GDNF: variants seen among roughly 807,000 people sequenced by gnomAD.
The protein encoded by GDNF is glial cell derived neurotrophic factor, also known as glial cell line-derived neurotrophic factor.
Under a neutral mutation model 13.7 loss-of-function variants are expected in GDNF, and 5 were observed. That is an observed-to-expected ratio of 0.36 (90% CI 0.19 to 0.77). The LOEUF (loss-of-function observed/expected upper bound fraction) is 0.77. Ranked by LOEUF, GDNF falls within the 30% of genes least tolerant of loss-of-function variation. The pLI, the probability that GDNF is intolerant of heterozygous loss-of-function variation, is 0.51. For synonymous variants in GDNF, 122 were observed against 112.5 expected, an observed-to-expected ratio of 1.08 and a Z score of -0.53; for missense variants, 246 against 274.3, an observed-to-expected ratio of 0.90 and a Z score of 0.73.
intron 1 of GDNF, 89 bp from the exon 2 acceptor site, chr5:37,834,911 C>T (rs1750651004): frequency 8.5e-7 from 1 of 1,182,506 alleles, no homozygotes; most frequent in East Asian, 2.5e-5. Flanking sequence ...CCTCTCCAAC[C>T]TCGTCACCGC....
Position 37,815,579 on chromosome 5 carries a change from T to C in GDNF, c.*72A>G. ...CTCATCTTCCATTCTGGGCAAACAT[T>C]TCCTGGGAACCTTGGTCCCTTTCTT... On this transcript the variant is annotated 3_prime_UTR_variant, in exon 3 of 3. Coordinates refer to ENST00000326524, the MANE Select transcript of GDNF (RefSeq NM_000514.4). This position sits in a 1 kb window ranked among gnomAD's most constrained non-coding sequence, Gnocchi z 5.0. 1 of 1,446,210 alleles carries C rather than the reference T, an allele frequency of 6.9e-7. No homozygotes were observed. 89.6% of individuals were successfully genotyped at this position (1,446,210 alleles called of 1,614,324 possible).
intron 1 of GDNF, chr5:37,835,426 C>G: frequency 7.0e-7 from 1 of 1,430,658 alleles, no homozygotes; most frequent in Non-Finnish European, 9.1e-7. Flanking sequence ...ATTCTTCCCA[C>G]CTAAATAGGT....
At chr5:37,816,698 G>C (rs148433498) in intron 2 of GDNF, among the ~76,000 whole-genome samples, 1 of 152,096 alleles carries the variant, frequency 6.6e-6, no homozygotes, top group South Asian at 2.1e-4. Context: ...GAGAGACACC[G>C]TCTTAGAGGG....
chr5:37,833,274 A>G (rs1313572572), intron 2 of GDNF, among the ~76,000 whole-genome samples: 1 of 152,200 alleles, frequency 6.6e-6, no homozygotes, highest in Non-Finnish European at 1.5e-5. Context: ...ACCCGGCACT[A>G]AGGGGCATTT....
Position 37,834,640 on chromosome 5 carries a change from T to TCTTA in GDNF, c.151+2_151+5dup. On this transcript the variant is annotated splice_donor_region_variant and intron_variant, in intron 2 of 2. Coordinates refer to ENST00000326524, the MANE Select transcript of GDNF (RefSeq NM_000514.4). ...GGCCCCCCCGCGGGGAGGGAACGGT[T>TCTTA]CTTACAGTCACTGCTCAGCGCGAAG... 1 of 1,573,638 alleles carries TCTTA rather than the reference T, an allele frequency of 6.4e-7. No homozygotes were observed. Among genetic ancestry groups the TCTTA allele is most frequent in the Non-Finnish European group, 8.6e-7 (1 of 1,162,220 alleles).
At chr5:37,824,813 T>C (rs1420423614) in intron 2 of GDNF, among the ~76,000 whole-genome samples, 2 of 152,182 alleles carry the variant, frequency 1.3e-5, no homozygotes, top group East Asian at 3.8e-4. Context: ...CTAAAAACAA[T>C]TACCAGCTGA....
chr5:37,835,922 A>C (rs1750687561), intron 1 of GDNF: 1 of 546,534 alleles, frequency 1.8e-6, no homozygotes, highest in Non-Finnish European at 3.3e-6. Flanking sequence ...TTGGCTTCTC[A>C]ATCCTCACAC....
chr5:37,836,404 A>G (rs576777509), intron 1 of GDNF, among the ~76,000 whole-genome samples: 1 of 152,120 alleles, frequency 6.6e-6, no homozygotes, highest in East Asian at 1.9e-4. Context: ...CTCTGCAGAG[A>G]CTAATGCATT....
At chr5:37,819,090 C>A (rs1485050243) in intron 2 of GDNF, among the ~76,000 whole-genome samples, 1 of 152,198 alleles carries the variant, frequency 6.6e-6, no homozygotes, top group Non-Finnish European at 1.5e-5. Context: ...CTTGAGTAGG[C>A]TGTGGAGGCC....
rs764403700 is a variant in GDNF at position 37,834,704 on chromosome 5, C to A, written c.93G>T (p.Ala31=). 3.7e-6 allele frequency: 6 copies of A among 1,609,520 alleles called. No homozygotes were observed. The African/African-American group carries it at 6.7e-5, about 18-fold the overall frequency. The change falls in exon 2 of 3, where the codon GCG becomes GCT. Residue 31 remains alanine, a synonymous_variant. Coordinates refer to ENST00000326524, the MANE Select transcript of GDNF (RefSeq NM_000514.4). The part of the protein sequence containing the change: ...PLPAGKRPPE[A]PAEDRSLGRR... ...GGCCGAGGGAGCGGTCTTCGGCGGG[C>A]GCCTCGGGAGGCCTCTTACCGGCGG...
At chr5:37,828,222 C>T (rs1750396829) in intron 2 of GDNF, among the ~76,000 whole-genome samples, 1 of 152,216 alleles carries the variant, frequency 6.6e-6, no homozygotes, top group African/African-American at 2.4e-5. Context: ...CACAAGGCCT[C>T]CCGAATGCTG....
intron 2 of GDNF, chr5:37,823,488 AG>A (rs1171906639): frequency 6.6e-6 from 1 of 152,212 alleles, no homozygotes; most frequent in East Asian, 1.9e-4. Flanking sequence ...TCTCCCAAAA[AG>A]GAAAAGCCAT....
intron 1 of GDNF, chr5:37,835,285 C>G (rs1425450316): frequency 2.3e-6 from 1 of 433,390 alleles, no homozygotes; most frequent in Non-Finnish European, 3.9e-6. Flanking sequence ...AGCCCTCGGC[C>G]CAAGCAAGGA....
At position 37,838,626 on chromosome 5, in the gene GDNF, G is replaced by A. The variant is rs1750791245; in HGVS notation, c.-27+881C>T. Among the ~76,000 whole-genome samples, 1 of 152,232 alleles carries A rather than the reference G, an allele frequency of 6.6e-6. No homozygotes were observed. Among genetic ancestry groups the A allele is most frequent in the African/African-American group, 2.4e-5 (1 of 41,462 alleles). Reference sequence around the variant, plus strand: ...GCCGAAACTAGCTGGGCCCCAGGAAGCTGGCGGGAACCCGCGAAAGTCCGT... The same window carrying A: ...GCCGAAACTAGCTGGGCCCCAGGAAACTGGCGGGAACCCGCGAAAGTCCGT... On this transcript the variant is annotated intron_variant, in intron 1 of 2. Coordinates refer to ENST00000326524, the MANE Select transcript of GDNF (RefSeq NM_000514.4). This position sits in a 1 kb window ranked among gnomAD's most constrained non-coding sequence, Gnocchi z 4.1.
intron 1 of GDNF, among the ~76,000 whole-genome samples, chr5:37,836,380 C>T (rs1750706008): frequency 6.6e-6 from 1 of 152,096 alleles, no homozygotes; most frequent in Non-Finnish European, 1.5e-5. Context: ...TTTAATTCGG[C>T]CGCCACCTCC....
intron 2 of GDNF, among the ~76,000 whole-genome samples, chr5:37,819,344 C>T (rs1750039459): frequency 6.6e-6 from 1 of 152,072 alleles, no homozygotes; most frequent in Non-Finnish European, 1.5e-5. Context: ...TGCAGCTTTG[C>T]AGCAGCATTA....
chr5:37,834,770 G>C lies in GDNF; in HGVS notation c.27C>G (p.Val9=). 6.2e-7 allele frequency: 1 copy of C among 1,613,298 alleles called. No individual in the cohort carries two copies. The highest frequency in any genetic ancestry group is 8.5e-7 in the Non-Finnish European group (1 of 1,179,690). The part of the protein sequence containing the change: MKLWDVVA[V]CLVLLHTASA... ...ACGCGGTGTGGAGCAGCACCAGGCA[G>C]ACAGCCACGACATCCCATAACTTCA... Residue 9 remains valine (V), a synonymous_variant, in exon 2 of 3, where the codon GTC becomes GTG. Coordinates refer to ENST00000326524, the MANE Select transcript of GDNF (RefSeq NM_000514.4).
In GDNF at chr5:37,813,266, T is replaced by C. The variant is rs1472053071; in HGVS notation, c.*2385A>G. The C allele has an allele frequency of 6.6e-6, 1 of 152,146 alleles. No individual in the cohort carries two copies. Among genetic ancestry groups the C allele is most frequent in the African/African-American group, 2.4e-5 (1 of 41,418 alleles). 9.4% of individuals were successfully genotyped at this position (152,146 alleles called of 1,614,324 possible). On this transcript the variant is annotated 3_prime_UTR_variant, in exon 3 of 3. Transcript: ENST00000326524. ...GGCAGAACCATGAAGAATTTGGGTA[T>C]TTTGGGGGAAGGGGATCAGATGTCT... is the stretch of plus-strand genomic sequence containing the variant.
Position 37,822,587 on chromosome 5 carries a change from C to T in GDNF, c.152-6452G>A, listed in dbSNP as rs547426124. On this transcript the variant is annotated intron_variant, in intron 2 of 2. Transcript: ENST00000326524. ...TGTAGCGGTTCCTATGAAAGGCTGT[C>T]TTCAGACAGGAGGAAAATGGAAAAC... Among the ~76,000 whole-genome samples, 4 of 152,278 alleles carry T rather than the reference C, an allele frequency of 2.6e-5. No homozygotes were observed. The East Asian group carries it at 5.8e-4, about 22-fold the overall frequency.
Sources: allele counts gnomAD v4.1 joint callset (sites outside exome capture counted in the v4.1 genomes callset), GRCh38; gene constraint gnomAD v4.1.1; non-coding constraint Gnocchi (gnomAD v3.1); transcripts MANE v1.5; gene names NCBI Gene and HGNC (gene_info 2026-07-23, HGNC 2026-07-21).